The following ZNF385D variants were observed in gnomAD, a reference collection of about 807,000 sequenced individuals.
ZNF385D encodes zinc finger protein 659.
In ZNF385D, 15 loss-of-function variants were observed where a neutral mutation model predicts 35.8. The observed-to-expected ratio is 0.42, with a 90% CI of 0.28 to 0.64. ZNF385D has a LOEUF of 0.64. ZNF385D is among the 30% of genes least tolerant of loss of function. ZNF385D has a pLI of 0.23. For synonymous variants in ZNF385D, 212 were observed against 186.8 expected, an observed-to-expected ratio of 1.13 and a Z score of -1.10; for missense variants, 474 against 494.6, an observed-to-expected ratio of 0.96 and a Z score of 0.39.
chr3:21,478,747 G>T (rs974003156), intron 4 of ZNF385D, among the ~76,000 whole-genome samples: 11 of 152,170 alleles, frequency 7.2e-5, no homozygotes, highest in Admixed American at 2.6e-4. Context: ...AGAAAGAAAG[G>T]GCAATCTCTT....
intron 2 of ZNF385D, among the ~76,000 whole-genome samples, chr3:22,333,268 T>C (rs574853438): frequency 5.6e-4 from 86 of 152,328 alleles, no homozygotes; most frequent in African/African-American, 2.0e-3. Flanking sequence ...TGTATTTCTT[T>C]GGTTTTATTT....
intron 3 of ZNF385D, among the ~76,000 whole-genome samples, chr3:21,526,688 A>G (rs888474748): frequency 6.6e-6 from 1 of 152,200 alleles, no homozygotes; most frequent in Non-Finnish European, 1.5e-5. Context: ...CAACATGTAT[A>G]TTATTGGTAA....
chr3:21,653,616 A>G (rs993605934), intron 2 of ZNF385D, among the ~76,000 whole-genome samples: 1 of 152,068 alleles, frequency 6.6e-6, no homozygotes, highest in Non-Finnish European at 1.5e-5. Context: ...TGAAGCTCAA[A>G]ATAATTATTT....
At chr3:21,740,917 C>T (rs540769673) in intron 1 of ZNF385D, among the ~76,000 whole-genome samples, 13 of 152,124 alleles carry the variant, frequency 8.5e-5, no homozygotes, top group African/African-American at 2.2e-4. Flanking sequence ...TATACTGGAC[C>T]GGGATAGCGC....
intron 3 of ZNF385D, among the ~76,000 whole-genome samples, chr3:21,967,969 G>A (rs1394775277): frequency 6.6e-6 from 1 of 152,166 alleles, no homozygotes; most frequent in Non-Finnish European, 1.5e-5. Flanking sequence ...CACTAAAGTG[G>A]GTAGTTTTAA....
chr3:22,069,810 TAGTC>T (rs900305599), intron 3 of ZNF385D, among the ~76,000 whole-genome samples: 6 of 151,956 alleles, frequency 3.9e-5, no homozygotes, highest in Admixed American at 2.6e-4. Context: ...TCCCATGAAA[TAGTC>T]AGACCCAAGC....
chr3:22,047,415 C>T (rs1699070124), intron 3 of ZNF385D, among the ~76,000 whole-genome samples: 1 of 152,092 alleles, frequency 6.6e-6, no homozygotes, highest in Non-Finnish European at 1.5e-5. Flanking sequence ...CCCCACTCCT[C>T]AGCCTCTAGT....
chr3:21,891,756 G>A (rs1190176989), intron 3 of ZNF385D, among the ~76,000 whole-genome samples: 2 of 152,126 alleles, frequency 1.3e-5, no homozygotes, highest in African/African-American at 2.4e-5. Flanking sequence ...TAATGAGGTG[G>A]TAGTCTATTG....
intron 2 of ZNF385D, among the ~76,000 whole-genome samples, chr3:22,300,856 C>G (rs971431451): frequency 6.6e-6 from 1 of 151,882 alleles, no homozygotes; most frequent in African/African-American, 2.4e-5. Flanking sequence ...ATTAGTATAG[C>G]CATTATGAAA....
At chr3:21,771,614 A>C (rs1204497246) in intron 3 of ZNF385D, among the ~76,000 whole-genome samples, 2 of 151,900 alleles carry the variant, frequency 1.3e-5, no homozygotes, top group Non-Finnish European at 2.9e-5. Context: ...AAAATCAAGA[A>C]AGTAGAATGT....
chr3:21,654,049 T>G (rs2125228127), intron 2 of ZNF385D, among the ~76,000 whole-genome samples: 1 of 152,060 alleles, frequency 6.6e-6, no homozygotes, highest in South Asian at 2.1e-4. Context: ...TGCTTTAAAA[T>G]GCCCCAATCT....
At chr3:22,147,577 A>G (rs111434738) in intron 3 of ZNF385D, among the ~76,000 whole-genome samples, 6 of 152,312 alleles carry the variant, frequency 3.9e-5, no homozygotes, top group South Asian at 2.1e-4. Context: ...ATTAATGGTA[A>G]TATCATATGC....
chr3:21,599,125 G>A (rs552662609), intron 2 of ZNF385D, among the ~76,000 whole-genome samples: 1 of 152,264 alleles, frequency 6.6e-6, no homozygotes, highest in South Asian at 2.1e-4. Flanking sequence ...TGCAAATGCC[G>A]TTTCTCATTG....
chr3:22,369,378 C>T (rs1465800219), intron 2 of ZNF385D, among the ~76,000 whole-genome samples: 1 of 152,080 alleles, frequency 6.6e-6, no homozygotes, highest in Non-Finnish European at 1.5e-5. Flanking sequence ...AAACATTTTG[C>T]AGTTTGACGA....
Position 21,794,849 on chromosome 3 carries a change from C to A in ZNF385D, c.326-129821G>T, listed in dbSNP as rs560073254. Among the ~76,000 whole-genome samples the A allele has an allele frequency of 6.6e-5, 10 of 152,184 alleles. No individual in the cohort carries two copies. The South Asian group carries it at 2.1e-3, about 32-fold the overall frequency. On this transcript the variant is annotated intron_variant, in intron 3 of 5. Coordinates refer to the ZNF385D transcript ENST00000494108. ...TGCTGTGTGACCTCCTGTTCTACAGCCTACCTCTCTGAGCTTCATCTGAAC... is the reference window on the plus strand; with the variant it reads ...TGCTGTGTGACCTCCTGTTCTACAGACTACCTCTCTGAGCTTCATCTGAAC...
At chr3:22,079,943 T>C (rs1191436732) in intron 3 of ZNF385D, among the ~76,000 whole-genome samples, 2 of 151,916 alleles carry the variant, frequency 1.3e-5, no homozygotes, top group African/African-American at 2.4e-5. Context: ...CATATGTATA[T>C]AGATAGATAG....
chr3:22,066,598 G>C (rs182521981), intron 3 of ZNF385D, among the ~76,000 whole-genome samples: 1 of 145,108 alleles, frequency 6.9e-6, no homozygotes, highest in Non-Finnish European at 1.5e-5. Context: ...AAAGATACTG[G>C]GTGAGATGGT....
chr3:21,643,721 A>T (rs1156557726), intron 2 of ZNF385D, among the ~76,000 whole-genome samples: 1 of 152,126 alleles, frequency 6.6e-6, no homozygotes, highest in African/African-American at 2.4e-5. Context: ...CAAAACACTT[A>T]ATGATGTGTA....
intron 3 of ZNF385D, among the ~76,000 whole-genome samples, chr3:22,117,479 G>A (rs903632279): frequency 1.3e-5 from 2 of 151,788 alleles, no homozygotes; most frequent in African/African-American, 4.8e-5. Context: ...GAAAAGACAG[G>A]GAATAGGCAT....
Sources: allele counts gnomAD v4.1 joint callset (sites outside exome capture counted in the v4.1 genomes callset), GRCh38; gene constraint gnomAD v4.1.1; transcripts MANE v1.5; gene names NCBI Gene and HGNC (gene_info 2026-07-23, HGNC 2026-07-21).